The following NUDT3 variants were observed in gnomAD, a reference collection of about 807,000 sequenced individuals.
NUDT3 encodes nudix hydrolase 3.
A neutral mutation model predicts 23.6 loss-of-function variants in NUDT3; 9 were observed. That is an observed-to-expected ratio of 0.38 (90% CI 0.23 to 0.66). The LOEUF (loss-of-function observed/expected upper bound fraction) is 0.66, where lower values mean the gene tolerates loss of function less well. Ranked by LOEUF, NUDT3 falls within the 30% of genes least tolerant of loss-of-function variation. NUDT3 has a pLI of 0.52. For synonymous variants in NUDT3, 86 were observed against 82.6 expected (o/e 1.04, Z -0.22); for missense variants, 172 against 218.5 (o/e 0.79, Z 1.34).
At chr6:34,390,984 G>A (rs540418242) in intron 1 of NUDT3, among the ~76,000 whole-genome samples, 83 of 152,274 alleles carry the variant, frequency 5.5e-4, no homozygotes, top group African/African-American at 1.8e-3. Context: ...ACAATATATG[G>A]TAGGATACAA....
At chr6:34,371,399 G>A (rs1343167212) in intron 1 of NUDT3, among the ~76,000 whole-genome samples, 1 of 151,796 alleles carries the variant, frequency 6.6e-6, no homozygotes, top group African/African-American at 2.4e-5. Flanking sequence ...CCAGGACGTG[G>A]AAGTTGCAGT....
intron 2 of NUDT3, among the ~76,000 whole-genome samples, chr6:34,296,441 G>T (rs948715674): frequency 7.9e-5 from 12 of 151,864 alleles, no homozygotes; most frequent in Non-Finnish European, 1.8e-4. Context: ...GGGTGTGATG[G>T]TGCATGCCTG....
intron 1 of NUDT3, among the ~76,000 whole-genome samples, chr6:34,371,793 C>T (rs1480132063): frequency 2.6e-5 from 4 of 152,110 alleles, no homozygotes; most frequent in South Asian, 2.1e-4. Context: ...ATGTACACAA[C>T]GTGCAGGTTT....
At chr6:34,318,412 G>T (rs1426407862) in intron 2 of NUDT3, among the ~76,000 whole-genome samples, 1 of 152,108 alleles carries the variant, frequency 6.6e-6, no homozygotes, top group Non-Finnish European at 1.5e-5. Flanking sequence ...TTCCCTGCCA[G>T]ATTCCACTCT....
chr6:34,293,363 G>T, intron 4 of NUDT3, 88 bp downstream of exon 4: 1 of 1,495,862 alleles, frequency 6.7e-7, no homozygotes, highest in Non-Finnish European at 9.3e-7. Context: ...AGCCTGGTAC[G>T]CTCTTGTTTC....
At chr6:34,312,235 C>T (rs1763784643) in intron 2 of NUDT3, among the ~76,000 whole-genome samples, 1 of 151,968 alleles carries the variant, frequency 6.6e-6, no homozygotes, top group Non-Finnish European at 1.5e-5. Context: ...AACCCCGTCT[C>T]TACTAAAAAT....
In NUDT3 at chr6:34,297,301, C is replaced by T. The variant is rs116038416; in HGVS notation, c.211-1616G>A. Among the ~76,000 whole-genome samples the T allele has an allele frequency of 2.9e-3, 441 of 152,168 alleles. 4 individuals are homozygous for T. The highest frequency in any genetic ancestry group is 0.01 in the African/African-American group (432 of 41,524). On this transcript the variant is annotated intron_variant, in intron 2 of 4. Transcript: ENST00000607016. ...TTTATAAATAACTGCCCTCCACAGCCAGCTAAAACTAGCTAGCTTATACTT... is the reference window on the plus strand; with the variant it reads ...TTTATAAATAACTGCCCTCCACAGCTAGCTAAAACTAGCTAGCTTATACTT...
chr6:34,379,543 G>A (rs1561924252), intron 1 of NUDT3, among the ~76,000 whole-genome samples: 1 of 151,866 alleles, frequency 6.6e-6, no homozygotes, highest in Non-Finnish European at 1.5e-5. Flanking sequence ...CTGGGCGACA[G>A]AGAGAGACTC....
chr6:34,288,924 C>T lies in NUDT3; in HGVS notation c.348G>A (p.Lys116=). 1 of 1,607,634 alleles carries T rather than the reference C, an allele frequency of 6.2e-7. No homozygotes were observed. Among genetic ancestry groups the T allele is most frequent in the Non-Finnish European group, 8.5e-7 (1 of 1,177,834 alleles). Residue 116 remains lysine (K), a synonymous_variant, in exon 5 of 5, where the codon AAG becomes AAA. Transcript: ENST00000607016. ...CGTCTTCTATTTTAAACCATTCCCTCTTCCTTCCTGTGGAGGCAGAGAGAA... is the reference window on the plus strand; with the variant it reads ...CGTCTTCTATTTTAAACCATTCCCTTTTCCTTCCTGTGGAGGCAGAGAGAA... ...DWEDSVNIGR[K]REWFKIEDAI...
At chr6:34,294,775 T>G (rs74799659) in intron 3 of NUDT3, among the ~76,000 whole-genome samples, 14,526 of 151,870 alleles carry the variant, frequency 0.096, 800 homozygotes, top group Non-Finnish European at 0.12. Flanking sequence ...ATCAGAGACC[T>G]TTCTTCTGAC....
At chr6:34,298,961 G>A (rs1763556241) in intron 2 of NUDT3, among the ~76,000 whole-genome samples, 1 of 152,134 alleles carries the variant, frequency 6.6e-6, no homozygotes, top group Admixed American at 6.5e-5. Flanking sequence ...AAGTCATAGT[G>A]CTGACAAAAA....
rs1763370599 is a variant in NUDT3, at chr6:34,288,752, G to A, written c.*1C>T. 1 of 1,607,188 alleles carries A rather than the reference G, an allele frequency of 6.2e-7. No homozygotes were observed. The highest frequency in any genetic ancestry group is 8.5e-7 in the Non-Finnish European group (1 of 1,177,970). On this transcript the variant is annotated 3_prime_UTR_variant, in exon 5 of 5. Transcript: ENST00000607016. ...CCATTTCTCTTACAGGAAGTCTTCA[G>A]TCATCTGATGCCTGACATCGAGCTC...
At chr6:34,319,808 T>C (rs1244862094) in intron 2 of NUDT3, among the ~76,000 whole-genome samples, 1 of 152,170 alleles carries the variant, frequency 6.6e-6, no homozygotes, top group Non-Finnish European at 1.5e-5. Context: ...TGACCCATCA[T>C]CATAAAGGCG....
chr6:34,298,724 G>A (rs1436498849), intron 2 of NUDT3, among the ~76,000 whole-genome samples: 2 of 152,172 alleles, frequency 1.3e-5, no homozygotes, highest in South Asian at 2.1e-4. Context: ...GGGATTACAG[G>A]TGCATGCCAC....
chr6:34,385,101 T>C (rs372204147), intron 1 of NUDT3, among the ~76,000 whole-genome samples: 7 of 151,530 alleles, frequency 4.6e-5, no homozygotes, highest in Admixed American at 3.3e-4. Flanking sequence ...TATACATTTA[T>C]ATATACATAC....
chr6:34,354,573 AT>A (rs1392241670), intron 1 of NUDT3, among the ~76,000 whole-genome samples: 1 of 151,594 alleles, frequency 6.6e-6, no homozygotes, highest in Non-Finnish European at 1.5e-5. Flanking sequence ...AAACACAAAA[AT>A]TAGCCAGGCG....
chr6:34,305,996 T>G (rs1445932512), intron 2 of NUDT3, among the ~76,000 whole-genome samples: 1 of 152,202 alleles, frequency 6.6e-6, no homozygotes, highest in Admixed American at 6.5e-5. Context: ...TATTCTTTGT[T>G]GGGTGGAAGC....
At chr6:34,352,687 A>G (rs1364717592) in intron 1 of NUDT3, among the ~76,000 whole-genome samples, 4 of 152,200 alleles carry the variant, frequency 2.6e-5, no homozygotes, top group Admixed American at 2.6e-4. Flanking sequence ...TTGTGTTCCC[A>G]AGGTAGCATG....
At chr6:34,381,221 T>C (rs1765012496) in intron 1 of NUDT3, among the ~76,000 whole-genome samples, 1 of 152,024 alleles carries the variant, frequency 6.6e-6, no homozygotes, top group African/African-American at 2.4e-5. Flanking sequence ...TCCCACTACA[T>C]TGCTCAGCCT....
Sources: gnomAD v4.1 joint callset for allele counts (sites outside exome capture counted in the v4.1 genomes callset) on GRCh38, gnomAD v4.1.1 for gene constraint, MANE v1.5 for transcripts, NCBI Gene and HGNC (gene_info 2026-07-23, HGNC 2026-07-21) for gene names.